Variants in SPOCK3 observed in about 807,000 individuals in gnomAD.
SPOCK3 encodes testican-3.
In SPOCK3, 30 loss-of-function variants were observed where a neutral mutation model predicts 56.6. The ratio of observed to expected loss-of-function variants is 0.53; its 90% CI spans 0.40 to 0.72. The LOEUF is 0.72. SPOCK3 is among the 30% of genes least tolerant of loss of function. SPOCK3 has a pLI of 0.00. For synonymous variants in SPOCK3, 196 were observed against 183.3 expected, an observed-to-expected ratio of 1.07 and a Z score of -0.56; for missense variants, 527 against 530.0, an observed-to-expected ratio of 0.99 and a Z score of 0.06.
chr4:166,842,758 G>A (rs1038817988), intron 6 of SPOCK3, among the ~76,000 whole-genome samples: 1 of 152,214 alleles, frequency 6.6e-6, no homozygotes, highest in East Asian at 1.9e-4. Context: ...ACCTGACTCA[G>A]GAGCCCAGCT....
At chr4:167,085,722 C>G (rs1758133598) in intron 2 of SPOCK3, among the ~76,000 whole-genome samples, 1 of 152,030 alleles carries the variant, frequency 6.6e-6, no homozygotes, top group Non-Finnish European at 1.5e-5. Flanking sequence ...ATCATTTTTA[C>G]TTGGGGAAAT....
At chr4:167,050,102 T>C (rs1197279105) in intron 3 of SPOCK3, among the ~76,000 whole-genome samples, 2 of 152,164 alleles carry the variant, frequency 1.3e-5, no homozygotes, top group Non-Finnish European at 2.9e-5. Context: ...TGATTTTTCT[T>C]TGGGGGTTTT....
chr4:166,800,544 G>A (rs942139156), intron 6 of SPOCK3, among the ~76,000 whole-genome samples: 3 of 152,004 alleles, frequency 2.0e-5, no homozygotes, highest in Non-Finnish European at 4.4e-5. Flanking sequence ...CCCTATGTAG[G>A]CCTAGGCGAA....
intron 2 of SPOCK3, among the ~76,000 whole-genome samples, chr4:167,196,952 C>T (rs1020301128): frequency 2.1e-4 from 32 of 152,094 alleles, no homozygotes; most frequent in African/African-American, 7.5e-4. Context: ...TTATCTTTGC[C>T]ATATAACAGA....
intron 2 of SPOCK3, among the ~76,000 whole-genome samples, chr4:167,199,659 G>C (rs1733318904): frequency 6.7e-6 from 1 of 149,796 alleles, no homozygotes; most frequent in South Asian, 2.1e-4. Context: ...CTGAAAGCTG[G>C]TTTTCTGTGA....
intron 3 of SPOCK3, among the ~76,000 whole-genome samples, chr4:167,059,746 C>G (rs1580162741): frequency 6.6e-6 from 1 of 152,278 alleles, no homozygotes; most frequent in East Asian, 1.9e-4. Context: ...AGACTTGGAA[C>G]AAACCCAAAT....
In SPOCK3 at chr4:166,748,572, A is replaced by G. The variant is rs965123965; in HGVS notation, c.931+5936T>C. Among the ~76,000 whole-genome samples the G allele has an allele frequency of 4.4e-5, 6 of 136,846 alleles. 3 individuals carry two copies. The highest frequency in any genetic ancestry group is 1.9e-4 in the African/African-American group (6 of 32,150). 89.8% of individuals were successfully genotyped at this position (136,846 alleles called of 152,430 possible). A position where few individuals can be genotyped will look rare whatever the true frequency, so the allele number is the denominator to read the frequency against. ...AGGCAATACCATTCAGGACATAGGC[A>G]TGGGCAAAGACTTCATGTCTAAAAC... is the stretch of plus-strand genomic sequence containing the variant. On this transcript the variant is annotated intron_variant, in intron 8 of 10. Transcript: ENST00000357545.
chr4:167,137,175 G>A (rs977106585), intron 2 of SPOCK3, among the ~76,000 whole-genome samples: 1 of 151,952 alleles, frequency 6.6e-6, no homozygotes, highest in Non-Finnish European at 1.5e-5. Flanking sequence ...TATGGACTGA[G>A]CAGAGAGAAA....
chr4:167,071,085 G>C (rs1756629160), intron 2 of SPOCK3, among the ~76,000 whole-genome samples: 1 of 151,878 alleles, frequency 6.6e-6, no homozygotes, highest in Non-Finnish European at 1.5e-5. Flanking sequence ...TTCCTCATTT[G>C]TCTCTGAAAG....
chr4:167,124,050 A>C (rs1192193058), intron 2 of SPOCK3, among the ~76,000 whole-genome samples: 3 of 151,870 alleles, frequency 2.0e-5, no homozygotes, highest in Admixed American at 6.6e-5. Flanking sequence ...CTGCCCCAAA[A>C]AGACATTCTT....
intron 7 of SPOCK3, among the ~76,000 whole-genome samples, chr4:166,766,791 G>C (rs1738135690): frequency 6.6e-6 from 1 of 152,176 alleles, no homozygotes; most frequent in Non-Finnish European, 1.5e-5. Flanking sequence ...ACCTCTGGTA[G>C]AATTTGGCTG....
intron 3 of SPOCK3, among the ~76,000 whole-genome samples, chr4:167,047,927 T>A (rs938994498): frequency 3.3e-5 from 5 of 152,116 alleles, no homozygotes; most frequent in African/African-American, 1.2e-4. Context: ...CCACCTGTAA[T>A]CCCAGTTACT....
chr4:167,100,572 C>T (rs1190168045), intron 2 of SPOCK3, among the ~76,000 whole-genome samples: 2 of 151,902 alleles, frequency 1.3e-5, no homozygotes, highest in Non-Finnish European at 2.9e-5. Flanking sequence ...ATCTCACCCT[C>T]CCATCTTATC....
At chr4:167,059,853 C>T (rs1438307869) in intron 3 of SPOCK3, among the ~76,000 whole-genome samples, 4 of 151,974 alleles carry the variant, frequency 2.6e-5, no homozygotes, top group Admixed American at 1.3e-4. Flanking sequence ...TCCTTTATAG[C>T]GACATGGATG....
rs1279038321 is a variant in SPOCK3 at position 167,116,911 on chromosome 4, G to GTATATATA, written c.190-54375_190-54374insTATATATA. Among the ~76,000 whole-genome samples the GTATATATA allele has an allele frequency of 8.5e-4, 98 of 115,382 alleles. 4 individuals carry two copies. The South Asian group carries it at 8.8e-3, about 10-fold the overall frequency. 75.7% of individuals were successfully genotyped at this position (115,382 alleles called of 152,430 possible). A position where few individuals can be genotyped will look rare whatever the true frequency, so the allele number is the denominator to read the frequency against. On this transcript the variant is annotated intron_variant, in intron 2 of 10. Coordinates refer to ENST00000357545, the MANE Select transcript of SPOCK3 (RefSeq NM_001040159.2). ...TACATATATACTTTTGTGTGTGTGTGTGTATATATATATATATATATACTT... is the reference window on the plus strand; with the variant it reads ...TACATATATACTTTTGTGTGTGTGTGTATATATATGTATATATATATATATATATACTT...
In SPOCK3 at chr4:166,801,701, G is replaced by T. The variant is rs189309183; in HGVS notation, c.590-9412C>A. 1.1e-3 allele frequency among the ~76,000 whole-genome samples: 166 copies of T among 152,112 alleles called. 1 individual carries two copies. The highest frequency in any genetic ancestry group is 3.9e-3 in the African/African-American group (160 of 41,522). On this transcript the variant is annotated intron_variant, in intron 6 of 10. Coordinates refer to ENST00000357545, the MANE Select transcript of SPOCK3 (RefSeq NM_001040159.2). ...AATATTTCAAATATATTTAAAATGT[G>T]CATTGTTTTATTTATAATTTATTTA... is the stretch of plus-strand genomic sequence containing the variant.
At chr4:166,768,289 G>T (rs1188249206) in intron 7 of SPOCK3, among the ~76,000 whole-genome samples, 1 of 152,116 alleles carries the variant, frequency 6.6e-6, no homozygotes, top group Admixed American at 6.6e-5. Flanking sequence ...AGCCTCGATG[G>T]TCTTTACAAT....
At chr4:167,234,714 G>A (rs1737552068), upstream of SPOCK3, 2 of 164,274 alleles carry the variant, frequency 1.2e-5, no homozygotes, top group Non-Finnish European at 2.7e-5. Flanking sequence ...CTGGATCCCA[G>A]CTACAGTTGG....
chr4:166,950,560 G>A (rs1239850043), intron 4 of SPOCK3, among the ~76,000 whole-genome samples: 3 of 151,814 alleles, frequency 2.0e-5, no homozygotes, highest in Non-Finnish European at 4.4e-5. Flanking sequence ...CCCAGGAATT[G>A]AACTCAGCTC....
Sources: gnomAD v4.1 joint callset for allele counts (sites outside exome capture counted in the v4.1 genomes callset) on GRCh38, gnomAD v4.1.1 for gene constraint, MANE v1.5 for transcripts, NCBI Gene and HGNC (gene_info 2026-07-23, HGNC 2026-07-21) for gene names.